MAP3K20: variants seen among roughly 807,000 people sequenced by gnomAD.
MAP3K20 encodes mitogen-activated protein kinase kinase kinase 20.
MAP3K20 carries 40 observed loss-of-function variants against 85.7 expected under a neutral mutation model. That is an observed-to-expected ratio of 0.47 (90% confidence interval 0.36 to 0.61). The LOEUF is 0.61. Ranked by LOEUF, MAP3K20 falls within the 20% of genes least tolerant of loss-of-function variation. The pLI is 0.00. For synonymous variants in MAP3K20, 325 were observed against 327.7 expected (o/e 0.99, Z 0.09); for missense variants, 817 against 961.7 (o/e 0.85, Z 1.99).
At chr2:173,104,880 G>A (rs1004743488) in intron 2 of MAP3K20, among the ~76,000 whole-genome samples, 2 of 152,086 alleles carry the variant, frequency 1.3e-5, no homozygotes, top group East Asian at 3.9e-4. Flanking sequence ...ACCAAGCATG[G>A]GGGATAAAAC....
chr2:173,146,229 G>A, intron 2 of MAP3K20, among the ~76,000 whole-genome samples: 1 of 150,366 alleles, frequency 6.7e-6, no homozygotes, highest in East Asian at 2.0e-4. Context: ...TCAGGTTTTT[G>A]TTGTTTTTTT....
chr2:173,080,946 G>A (rs905910875), intron 1 of MAP3K20, among the ~76,000 whole-genome samples: 20 of 152,088 alleles, frequency 1.3e-4, no homozygotes, highest in South Asian at 2.1e-4. Context: ...CTGTCTGCAC[G>A]TCATGTAATA....
intron 2 of MAP3K20, among the ~76,000 whole-genome samples, chr2:173,165,233 A>C (rs1197123684): frequency 1.3e-5 from 2 of 151,574 alleles, no homozygotes; most frequent in African/African-American, 2.4e-5. Flanking sequence ...ACATGGTGAA[A>C]CCCTGTCTCT....
chr2:173,118,551 A>C (rs756406873), intron 2 of MAP3K20, among the ~76,000 whole-genome samples: 1 of 151,866 alleles, frequency 6.6e-6, no homozygotes, highest in Non-Finnish European at 1.5e-5. Flanking sequence ...GTGTAGATAC[A>C]CAAGCACACC....
intron 10 of MAP3K20, among the ~76,000 whole-genome samples, chr2:173,216,431 C>T (rs929265802): frequency 1.3e-5 from 2 of 152,004 alleles, no homozygotes; most frequent in Non-Finnish European, 2.9e-5. Flanking sequence ...ATGAAAATTC[C>T]AGGGTCCCAC....
At chr2:173,167,079 AT>A (rs1377236048) in intron 2 of MAP3K20, among the ~76,000 whole-genome samples, 3 of 150,462 alleles carry the variant, frequency 2.0e-5, no homozygotes, top group African/African-American at 2.4e-5. Context: ...CGCCCGGCTA[AT>A]TTTTTTTTGT....
rs146256360 is a variant in MAP3K20, at chr2:173,261,599, C to T, written c.1551+462C>T. On this transcript the variant is annotated intron_variant, in intron 18 of 19. Coordinates refer to ENST00000375213, the MANE Select transcript of MAP3K20 (RefSeq NM_016653.3). ...TAGTGTGCACCCACCATCAAAGGGA[C>T]ATGCATTTCATTCATTCATCAATTC... Among the ~76,000 whole-genome samples the T allele has an allele frequency of 2.6e-3, 402 of 152,308 alleles. 3 individuals carry two copies. The highest frequency in any genetic ancestry group is 9.3e-3 in the African/African-American group (387 of 41,556).
chr2:173,076,050 G>A (rs1686843874), intron 1 of MAP3K20, 48 bp downstream of exon 1: 1 of 979,432 alleles, frequency 1.0e-6, no homozygotes, highest in Non-Finnish European at 1.2e-6. Flanking sequence ...GAGGGGGCGA[G>A]GCCCGCCGCG....
At chr2:173,125,603 G>A (rs985918124) in intron 2 of MAP3K20, among the ~76,000 whole-genome samples, 2 of 152,084 alleles carry the variant, frequency 1.3e-5, no homozygotes, top group African/African-American at 4.8e-5. Flanking sequence ...TGGAAGGGAA[G>A]ATAAATTTTA....
intron 16 of MAP3K20, 132 bp downstream of exon 16, chr2:173,239,628 A>C: frequency 1.3e-6 from 1 of 791,604 alleles, no homozygotes; most frequent in African/African-American, 1.8e-5. Flanking sequence ...GACTTTATAA[A>C]ATAGAATTTA....
chr2:173,205,244 G>A (rs1300856366), intron 9 of MAP3K20, among the ~76,000 whole-genome samples: 2 of 152,008 alleles, frequency 1.3e-5, no homozygotes, highest in Admixed American at 6.6e-5. Context: ...GGAAATAGAG[G>A]TATTAAAACT....
chr2:173,265,962 A>C, intron 19 of MAP3K20, 88 bp from the exon 20 acceptor site: 1 of 1,351,738 alleles, frequency 7.4e-7, no homozygotes, highest in South Asian at 1.4e-5. Flanking sequence ...CATCCCAAAC[A>C]GCCCTGAATT....
intron 11 of MAP3K20, chr2:173,222,052 A>G (rs528572371): frequency 2.1e-5 from 20 of 961,878 alleles, no homozygotes; most frequent in Non-Finnish European, 2.5e-5. Flanking sequence ...ATAATTAAAA[A>G]ACTAGCTGGC....
intron 10 of MAP3K20, chr2:173,211,944 G>A (rs1210226166): frequency 6.6e-6 from 1 of 152,284 alleles, no homozygotes; most frequent in East Asian, 1.9e-4. Context: ...GCAGTTAGTT[G>A]TTTAATGTGT....
Position 173,263,915 on chromosome 2 carries a change from T to A in MAP3K20, c.1702+20T>A. 6.3e-7 allele frequency: 1 copy of A among 1,599,006 alleles called. No individual in the cohort carries two copies. The highest frequency in any genetic ancestry group is 8.5e-7 in the Non-Finnish European group (1 of 1,175,222). On this transcript the variant is annotated intron_variant, in intron 19 of 19. Coordinates refer to ENST00000375213, the MANE Select transcript of MAP3K20 (RefSeq NM_016653.3). ...ACTCAAGTAAGTTAGTGTTCCCGTA[T>A]TAGATGTGTGCTAGATTCCAGAAAC...
At chr2:173,220,016 T>C (rs1042598134) in intron 11 of MAP3K20, among the ~76,000 whole-genome samples, 5 of 139,822 alleles carry the variant, frequency 3.6e-5, no homozygotes, top group African/African-American at 1.1e-4. Context: ...TGCAGTGAGC[T>C]GAGATAGTGC....
intron 17 of MAP3K20, among the ~76,000 whole-genome samples, chr2:173,259,415 C>A (rs1466594658): frequency 2.0e-5 from 3 of 152,166 alleles, no homozygotes; most frequent in African/African-American, 7.2e-5. Flanking sequence ...GAAAAAAATT[C>A]AATTCTGTCC....
chr2:173,263,071 T>C (rs1220244236), intron 18 of MAP3K20, among the ~76,000 whole-genome samples: 2 of 152,204 alleles, frequency 1.3e-5, no homozygotes, highest in Admixed American at 1.3e-4. Context: ...CCTAACCATA[T>C]TGAATCCTGG....
rs74966540 is a variant in MAP3K20, at chr2:173,082,300, C to T, written c.-35+6298C>T. 6.0e-3 allele frequency among the ~76,000 whole-genome samples: 914 copies of T among 152,330 alleles called. 4 individuals are homozygous for T. Among genetic ancestry groups the T allele is most frequent in the Non-Finnish European group, 0.01 (697 of 68,028 alleles). On this transcript the variant is annotated intron_variant, in intron 1 of 19. Coordinates refer to ENST00000375213, the MANE Select transcript of MAP3K20 (RefSeq NM_016653.3). ...CAGAAATTCTTTCTGTAACTTTCAT[C>T]CACAGATAGCCTTGCCTCTTGATCA...
Sources: allele counts gnomAD v4.1 joint callset (sites outside exome capture counted in the v4.1 genomes callset), GRCh38; gene constraint gnomAD v4.1.1; transcripts MANE v1.5; gene names NCBI Gene and HGNC (gene_info 2026-07-23, HGNC 2026-07-21).